Variants in DNMT3A observed in about 807,000 individuals in gnomAD.
DNMT3A encodes the protein DNA (cytosine-5)-methyltransferase 3A.
In DNMT3A, 267 loss-of-function variants were observed where a neutral mutation model predicts 117.6. The observed-to-expected ratio is 2.27, with a 90% confidence interval of 2.05 to 2.51. The LOEUF (loss-of-function observed/expected upper bound fraction) is 2.51, where lower values mean the gene tolerates loss of function less well. Ranked by LOEUF, DNMT3A falls within the 30% of genes most tolerant of loss-of-function variation. The probability of loss-of-function intolerance (pLI) is 0.00; values close to 1 mark genes in which losing one functional copy is unlikely to be tolerated. For missense variants in DNMT3A, 1,029 were observed against 1,260.2 expected, an observed-to-expected ratio of 0.82 and a Z score of 2.78; for synonymous variants, 432 against 474.8, an observed-to-expected ratio of 0.91 and a Z score of 1.17.
chr2:25,247,336 T>G lies in DNMT3A; in HGVS notation c.1015-178A>C. 1 of 768,314 alleles carries G rather than the reference T, an allele frequency of 1.3e-6. No individual in the cohort carries two copies. The highest frequency in any genetic ancestry group is 2.1e-6 in the Non-Finnish European group (1 of 480,346). 47.6% of individuals were successfully genotyped at this position (768,314 alleles called of 1,614,324 possible). A position where few individuals can be genotyped will look rare whatever the true frequency, so the allele number is the denominator to read the frequency against. On this transcript the variant is annotated intron_variant, in intron 8 of 22. Transcript: ENST00000321117. This position sits in a 1 kb window ranked among gnomAD's most constrained non-coding sequence, Gnocchi z 5.6. Reference sequence around the variant, plus strand: ...GGAGTCCAGACCAAGAGTAGGGAAGTACCTGAGTGCAGGTGGAAAGGAATT... The same window carrying G: ...GGAGTCCAGACCAAGAGTAGGGAAGGACCTGAGTGCAGGTGGAAAGGAATT...
chr2:25,244,596 G>A lies in DNMT3A; in HGVS notation c.1611C>T (p.Cys537=), dbSNP rs753754248. 1.8e-5 allele frequency: 29 copies of A among 1,614,090 alleles called. No individual in the cohort carries two copies. The highest frequency in any genetic ancestry group is 2.7e-5 in the African/African-American group (2 of 74,936). The part of the protein sequence containing the change: ...QYDDDGYQSY[C]TICCGGREVL... ...CCTCACGGCCCCCACAGCAGATGGT[G>A]CAGTAGGACTGGTAGCCGTCGTCGT... Residue 537 remains cysteine (C), a synonymous_variant, in exon 14 of 23, where the codon TGC becomes TGT. Coordinates refer to ENST00000321117, the MANE Select transcript of DNMT3A (RefSeq NM_022552.5).
Position 25,298,448 on chromosome 2 carries a change from G to A in DNMT3A, c.177+1691C>T, listed in dbSNP as rs1238958344. 6.6e-6 allele frequency among the ~76,000 whole-genome samples: 1 copy of A among 152,186 alleles called. No homozygotes were observed. Among genetic ancestry groups the A allele is most frequent in the Non-Finnish European group, 1.5e-5 (1 of 68,024 alleles). On this transcript the variant is annotated intron_variant, in intron 3 of 22. Coordinates refer to ENST00000321117, the MANE Select transcript of DNMT3A (RefSeq NM_022552.5). The surrounding 1 kb of genome is among the most constrained non-coding windows in gnomAD (Gnocchi z 4.3). ...AGAGACTCACAAAGATGAGTCAAAG[G>A]GTTGCTGGGTCTTTATTTGCTACAG...
chr2:25,330,494 G>A (rs1349761556), intron 1 of DNMT3A, among the ~76,000 whole-genome samples: 3 of 152,210 alleles, frequency 2.0e-5, no homozygotes, highest in Non-Finnish European at 4.4e-5. Flanking sequence ...CAGGGGTGTG[G>A]CTGCATGTCA....
intron 2 of DNMT3A, among the ~76,000 whole-genome samples, chr2:25,307,350 C>T (rs2033836523): frequency 6.6e-6 from 1 of 151,776 alleles, no homozygotes; most frequent in South Asian, 2.1e-4. Context: ...TTTTTTTTTC[C>T]CAGCCAGGGT....
intron 16 of DNMT3A, among the ~76,000 whole-genome samples, chr2:25,242,601 C>T (rs553175660): frequency 4.7e-4 from 72 of 152,274 alleles, no homozygotes; most frequent in African/African-American, 1.4e-3. Flanking sequence ...AACATCTGGC[C>T]GGGGAAGCCA....
At position 25,237,625 on chromosome 2, in the gene DNMT3A, C is replaced by T. The variant is rs914662476; in HGVS notation, c.2409-620G>A. Among the ~76,000 whole-genome samples the T allele has an allele frequency of 2.2e-4, 34 of 152,050 alleles. No homozygotes were observed. The highest frequency in any genetic ancestry group is 2.1e-3 in the Admixed American group (32 of 15,258). On this transcript the variant is annotated intron_variant, in intron 20 of 22. Transcript: ENST00000321117. This position sits in a 1 kb window ranked among gnomAD's most constrained non-coding sequence, Gnocchi z 5.4. Reference sequence around the variant, plus strand: ...TCTACTAATATAAAAATTAGCCAGACGTGGTGGCAGGTGCCTGTAATCCCA... The same window carrying T: ...TCTACTAATATAAAAATTAGCCAGATGTGGTGGCAGGTGCCTGTAATCCCA...
intron 1 of DNMT3A, among the ~76,000 whole-genome samples, chr2:25,317,452 T>C (rs576509933): frequency 2.0e-5 from 3 of 152,322 alleles, no homozygotes; most frequent in East Asian, 3.9e-4. Flanking sequence ...AAAGCAGACT[T>C]GTGACAGCCA....
At position 25,252,511 on chromosome 2, in the gene DNMT3A, C is replaced by G. The variant is rs1035865921; in HGVS notation, c.640-4259G>C. On this transcript the variant is annotated intron_variant, in intron 6 of 22. Coordinates refer to ENST00000321117, the MANE Select transcript of DNMT3A (RefSeq NM_022552.5). This position sits in a 1 kb window ranked among gnomAD's most constrained non-coding sequence, Gnocchi z 5.5. ...GGGGCGCGGGGCCGGGGGGCGAGGC[C>G]GTTCCCCGCCCGTTCCCAGGGCCCG... is the stretch of plus-strand genomic sequence containing the variant. 6.6e-6 allele frequency among the ~76,000 whole-genome samples: 1 copy of G among 151,690 alleles called. No individual in the cohort carries two copies. Among genetic ancestry groups the G allele is most frequent in the Admixed American group, 6.6e-5 (1 of 15,252 alleles).
At chr2:25,319,972 G>T (rs1258861325) in intron 1 of DNMT3A, among the ~76,000 whole-genome samples, 2 of 152,198 alleles carry the variant, frequency 1.3e-5, no homozygotes, top group East Asian at 3.8e-4. Flanking sequence ...ATTTTGCCAT[G>T]TTGGCCAGGC....
At chr2:25,310,398 A>G (rs2034047648) in intron 2 of DNMT3A, among the ~76,000 whole-genome samples, 1 of 150,532 alleles carries the variant, frequency 6.6e-6, no homozygotes, top group Admixed American at 6.6e-5. Context: ...ACTCGCCCTG[A>G]CCACAGCCCC....
rs1458917650 is a variant in DNMT3A at position 25,282,661 on chromosome 2, T to C, written c.228A>G (p.Pro76=). Residue 76 remains proline, a synonymous_variant, in exon 4 of 23, where the codon CCA becomes CCG. Transcript: ENST00000321117. This position sits in a 1 kb window ranked among gnomAD's most constrained non-coding sequence, Gnocchi z 5.2. ...PKDPAVISKS[P]SMAQDSGASE... Reference sequence around the variant, plus strand: ...AGGCGCCTGAGTCCTGGGCCATGGATGGGGACTTGGAGATCACCGCAGGGT... The same window carrying C: ...AGGCGCCTGAGTCCTGGGCCATGGACGGGGACTTGGAGATCACCGCAGGGT... 8 of 1,591,836 alleles carry C rather than the reference T, an allele frequency of 5.0e-6. No homozygotes were observed. Among genetic ancestry groups the C allele is most frequent in the Non-Finnish European group, 6.8e-6 (8 of 1,169,646 alleles).
chr2:25,272,527 C>T (rs548262788), intron 6 of DNMT3A, among the ~76,000 whole-genome samples: 7 of 152,188 alleles, frequency 4.6e-5, no homozygotes, highest in African/African-American at 1.2e-4. Flanking sequence ...AGAAACACTT[C>T]GCTCACAGAA....
intron 1 of DNMT3A, among the ~76,000 whole-genome samples, chr2:25,340,814 G>A (rs1296092356): frequency 9.6e-6 from 1 of 104,682 alleles, no homozygotes; most frequent in Admixed American, 1.1e-4. Flanking sequence ...CGCCGCTCCC[G>A]GTCCCGGCCC....
chr2:25,330,943 G>A (rs1325400279), intron 1 of DNMT3A, among the ~76,000 whole-genome samples: 2 of 152,228 alleles, frequency 1.3e-5, no homozygotes, highest in Non-Finnish European at 2.9e-5. Flanking sequence ...GACCTTCCCA[G>A]GAAGGGGGAA....
chr2:25,272,879 G>A (rs1027919033), intron 6 of DNMT3A, among the ~76,000 whole-genome samples: 19 of 145,588 alleles, frequency 1.3e-4, no homozygotes, highest in Non-Finnish European at 1.8e-4. Context: ...TCGCCTCACC[G>A]CAACCTCCAC....
chr2:25,329,421 A>AAAT (rs2149445451), intron 1 of DNMT3A, among the ~76,000 whole-genome samples: 1 of 152,254 alleles, frequency 6.6e-6, no homozygotes, highest in East Asian at 1.9e-4. Context: ...GATCATTTAA[A>AAAT]AATTATTATG....
chr2:25,309,001 G>GCACACACACACACACA (rs60027399), intron 2 of DNMT3A, among the ~76,000 whole-genome samples: 2 of 137,580 alleles, frequency 1.5e-5, no homozygotes, highest in Admixed American at 1.4e-4. Flanking sequence ...ACACACACAC[G>GCACACACACACACACA]CACGCACATG....
chr2:25,330,068 G>A (rs2034958115), intron 1 of DNMT3A, among the ~76,000 whole-genome samples: 1 of 152,162 alleles, frequency 6.6e-6, no homozygotes, highest in African/African-American at 2.4e-5. Context: ...AGAGCAAGAA[G>A]AGAAAAACCA....
At chr2:25,268,842 T>C (rs1486257450) in intron 6 of DNMT3A, among the ~76,000 whole-genome samples, 5 of 152,084 alleles carry the variant, frequency 3.3e-5, no homozygotes, top group Admixed American at 3.3e-4. Flanking sequence ...AAATCTAAGA[T>C]CTCATGTTCC....
Sources: gnomAD v4.1 joint callset for allele counts (sites outside exome capture counted in the v4.1 genomes callset) on GRCh38, gnomAD v4.1.1 for gene constraint, Gnocchi (gnomAD v3.1) non-coding constraint, MANE v1.5 for transcripts, NCBI Gene and HGNC (gene_info 2026-07-23, HGNC 2026-07-21) for gene names.